The following NPAS2 variants were observed in gnomAD, a reference collection of about 807,000 sequenced individuals.
The protein encoded by NPAS2 is neuronal PAS domain-containing protein 2.
In NPAS2, 23 loss-of-function variants were observed where a neutral mutation model predicts 107.5. The observed-to-expected ratio is 0.21, with a 90% confidence interval of 0.15 to 0.30. The LOEUF is 0.30. NPAS2 is among the 10% of genes least tolerant of loss of function. The pLI is 1.00. For synonymous variants in NPAS2, 403 were observed against 417.5 expected (o/e 0.97, Z 0.42); for missense variants, 756 against 1,043.3 (o/e 0.72, Z 3.79).
Position 100,859,847 on chromosome 2 carries a change from C to T in NPAS2, c.-23+39433C>T, listed in dbSNP as rs528225345. ...TTGTAAGAATAGGGCAACTAGCTTC[C>T]TTATAGCCTTTGCTAAGAATGTTAA... On this transcript the variant is annotated intron_variant, in intron 1 of 20. Coordinates refer to ENST00000335681, the MANE Select transcript of NPAS2 (RefSeq NM_002518.4). Among the ~76,000 whole-genome samples, 8 of 152,284 alleles carry T rather than the reference C, an allele frequency of 5.3e-5. No individual in the cohort carries two copies. In the East Asian group the frequency reaches 1.4e-3, roughly 26 times the overall value.
chr2:100,984,113 G>C (rs573981282), intron 16 of NPAS2: 3 of 152,362 alleles, frequency 2.0e-5, no homozygotes, highest in Non-Finnish European at 4.4e-5. Context: ...GATGTTCTGA[G>C]CCGGCCGGCA....
At chr2:100,937,872 G>C in intron 5 of NPAS2, 30 bp downstream of exon 5, 1 of 1,467,378 alleles carries the variant, frequency 6.8e-7, no homozygotes, top group Non-Finnish European at 9.6e-7. Context: ...GCCTTTACCG[G>C]TTCACGTTAC....
At chr2:100,943,292 T>G (rs942961258) in intron 5 of NPAS2, among the ~76,000 whole-genome samples, 2 of 152,266 alleles carry the variant, frequency 1.3e-5, no homozygotes, top group Non-Finnish European at 2.9e-5. Context: ...CGATTACCAA[T>G]GAGATTGAGT....
chr2:100,923,665 C>T (rs1683382715), intron 2 of NPAS2, among the ~76,000 whole-genome samples: 1 of 152,124 alleles, frequency 6.6e-6, no homozygotes, highest in Admixed American at 6.5e-5. Context: ...CCTGGAAAAG[C>T]AGCAATGTTT....
At chr2:100,928,605 C>T (rs1434333586) in intron 3 of NPAS2, among the ~76,000 whole-genome samples, 1 of 152,210 alleles carries the variant, frequency 6.6e-6, no homozygotes, top group African/African-American at 2.4e-5. Flanking sequence ...CCTGCTTAAA[C>T]ACAATGAGGA....
intron 4 of NPAS2, among the ~76,000 whole-genome samples, chr2:100,933,605 T>C (rs867712665): frequency 6.6e-6 from 1 of 152,148 alleles, no homozygotes; most frequent in Non-Finnish European, 1.5e-5. Context: ...AGGGCCGTAT[T>C]TGTGAAAACC....
Position 100,948,342 on chromosome 2 carries a change from A to G in NPAS2, c.471A>G (p.Pro157=), listed in dbSNP as rs374292489. 4 of 1,599,176 alleles carry G rather than the reference A, an allele frequency of 2.5e-6. No homozygotes were observed. In the African/African-American group the frequency reaches 5.4e-5, roughly 22 times the overall value. ...TGCTTGTGACGGATTCCCCCTCCCC[A>G]GAATACTTAAAATGTAAGTTTAATT... ...SHMLVTDSPS[P]EYLKSDSDLE... Residue 157 remains proline (P), a synonymous_variant, in exon 6 of 21, where the codon CCA becomes CCG. Coordinates refer to ENST00000335681, the MANE Select transcript of NPAS2 (RefSeq NM_002518.4).
chr2:100,825,891 A>G (rs1172246440), intron 1 of NPAS2, among the ~76,000 whole-genome samples: 1 of 152,176 alleles, frequency 6.6e-6, no homozygotes, highest in African/African-American at 2.4e-5. Context: ...GAAGAATGCA[A>G]AGGTGAAGAA....
At chr2:100,821,008 C>G (rs1676036832) in intron 1 of NPAS2, 1 of 1,285,906 alleles carries the variant, frequency 7.8e-7, no homozygotes. Flanking sequence ...CACCCCAACT[C>G]CGGAGCTCCC....
chr2:100,838,044 C>A (rs192864416), intron 1 of NPAS2, among the ~76,000 whole-genome samples: 8 of 152,280 alleles, frequency 5.3e-5, no homozygotes, highest in Admixed American at 5.2e-4. Context: ...CTCTGCAGCA[C>A]CCTTTCTTTC....
At chr2:100,922,872 T>C (rs1327993428) in intron 2 of NPAS2, among the ~76,000 whole-genome samples, 1 of 152,168 alleles carries the variant, frequency 6.6e-6, no homozygotes, top group Non-Finnish European at 1.5e-5. Flanking sequence ...TACCAGGCCA[T>C]GTTGGTCGTC....
At chr2:100,927,354 G>T (rs936239181) in intron 3 of NPAS2, among the ~76,000 whole-genome samples, 17 of 152,188 alleles carry the variant, frequency 1.1e-4, no homozygotes, top group Admixed American at 6.5e-4. Context: ...TGGATTTCCA[G>T]TTATCCTGGC....
chr2:100,908,176 T>G (rs193195213), intron 2 of NPAS2, among the ~76,000 whole-genome samples: 144 of 152,314 alleles, frequency 9.5e-4, no homozygotes, highest in Non-Finnish European at 1.8e-3. Context: ...TAAATCTCTC[T>G]TAGCCTCAGT....
intron 2 of NPAS2, among the ~76,000 whole-genome samples, chr2:100,905,530 G>GA (rs904481837): frequency 2.0e-5 from 3 of 151,946 alleles, no homozygotes; most frequent in African/African-American, 7.3e-5. Flanking sequence ...ATGCTCTGGG[G>GA]AAAAAAACGT....
chr2:100,880,226 T>A (rs1001311309), intron 1 of NPAS2, among the ~76,000 whole-genome samples: 2 of 152,168 alleles, frequency 1.3e-5, no homozygotes, highest in Non-Finnish European at 1.5e-5. Flanking sequence ...CCTCAAACCG[T>A]TAAAACATAG....
At chr2:100,873,251 C>CAA (rs57848948) in intron 1 of NPAS2, among the ~76,000 whole-genome samples, 46 of 58,884 alleles carry the variant, frequency 7.8e-4, no homozygotes, top group African/African-American at 2.9e-3. Context: ...GACTTCATCT[C>CAA]AAAAAAAAAA....
rs1676005552 is a variant in NPAS2 at position 100,820,363 on chromosome 2, C to CCCCGGCCCAGTCCGCG, written c.-65_-50dup. The CCCCGGCCCAGTCCGCG allele has an allele frequency of 6.7e-6, 1 of 148,862 alleles. No individual in the cohort carries two copies. The highest frequency in any genetic ancestry group is 1.5e-5 in the Non-Finnish European group (1 of 66,786). The allele number at this position is 148,862 out of a possible 1,614,324, so 9.2% of individuals were successfully genotyped here. The stretch of plus-strand genomic sequence containing the variant: ...CCCAGCGGCGGCGGGAGGCGCGTCT[C>CCCCGGCCCAGTCCGCG]CCCGGCCCAGTCCGCGCCCGGCCCC... On this transcript the variant is annotated 5_prime_UTR_variant, in exon 1 of 21. Transcript: ENST00000335681. This position sits in a 1 kb window ranked among gnomAD's most constrained non-coding sequence, Gnocchi z 5.6.
chr2:100,968,444 A>T lies in NPAS2; in HGVS notation c.1055+16A>T, dbSNP rs1167611749. 4.3e-6 allele frequency: 7 copies of T among 1,611,516 alleles called. No homozygotes were observed. On this transcript the variant is annotated intron_variant, in intron 11 of 20. Transcript: ENST00000335681. The surrounding 1 kb of genome is among the most constrained non-coding windows in gnomAD (Gnocchi z 5.3). ...CGGTGGTCAGGTACCGCGCACGGGCAGGGGTGCGGCTGCGTCCTTGTCGCA... is the reference window on the plus strand; with the variant it reads ...CGGTGGTCAGGTACCGCGCACGGGCTGGGGTGCGGCTGCGTCCTTGTCGCA...
intron 3 of NPAS2, among the ~76,000 whole-genome samples, chr2:100,930,620 A>G (rs1683873895): frequency 1.6e-5 from 2 of 122,282 alleles, no homozygotes; most frequent in African/African-American, 6.3e-5. Flanking sequence ...CGTATCTAAC[A>G]TATTTTTTTA....
Sources: allele counts gnomAD v4.1 joint callset (sites outside exome capture counted in the v4.1 genomes callset), GRCh38; gene constraint gnomAD v4.1.1; non-coding constraint Gnocchi (gnomAD v3.1); transcripts MANE v1.5; gene names NCBI Gene and HGNC (gene_info 2026-07-23, HGNC 2026-07-21).